Variants in SLC30A3 observed in about 807,000 individuals in gnomAD.
SLC30A3 encodes solute carrier family 30 member 3.
A neutral mutation model predicts 35.6 loss-of-function variants in SLC30A3; 20 were observed. That is an observed-to-expected ratio of 0.56 (90% CI 0.39 to 0.82). The LOEUF (loss-of-function observed/expected upper bound fraction) is 0.82. Among genes scored for constraint, SLC30A3 ranks in the 40% least tolerant of loss-of-function variants. The probability of loss-of-function intolerance (pLI) is 0.00; values close to 1 mark genes in which losing one functional copy is unlikely to be tolerated. For missense variants in SLC30A3, 401 were observed against 530.6 expected (o/e 0.76, Z 2.40); for synonymous variants, 217 against 224.7 (o/e 0.97, Z 0.31).
chr2:27,262,918 C>G lies in SLC30A3; in HGVS notation c.-12G>C. 3.2e-6 allele frequency: 5 copies of G among 1,552,682 alleles called. No homozygotes were observed. The highest frequency in any genetic ancestry group is 4.3e-6 in the Non-Finnish European group (5 of 1,157,036). ...GGAGAGGGCTCCATGTTCCCGGTGC[C>G]CCGACCGTCTAGGCCCCACCGAGGA... is the stretch of plus-strand genomic sequence containing the variant. On this transcript the variant is annotated 5_prime_UTR_variant, in exon 1 of 8. Coordinates refer to ENST00000233535, the MANE Select transcript of SLC30A3 (RefSeq NM_003459.5). The surrounding 1 kb of genome is among the most constrained non-coding windows in gnomAD (Gnocchi z 7.5).
At chr2:27,261,785 C>T (rs1204133253) in intron 1 of SLC30A3, among the ~76,000 whole-genome samples, 2 of 152,074 alleles carry the variant, frequency 1.3e-5, no homozygotes, top group East Asian at 3.9e-4. Flanking sequence ...GCCAGGCCTA[C>T]GGCAGAGCCC....
Position 27,257,487 on chromosome 2 carries a change from A to G in SLC30A3, c.579-135T>C. 2.4e-6 allele frequency: 2 copies of G among 819,546 alleles called. No homozygotes were observed. The highest frequency in any genetic ancestry group is 4.0e-6 in the Non-Finnish European group (2 of 505,828). 50.8% of individuals were successfully genotyped at this position (819,546 alleles called of 1,614,324 possible). ...CAGCATTTTGCAAGAGAGATAAACA[A>G]TGCAGCCTGGGGGAAAGAATACCAG... On this transcript the variant is annotated intron_variant, in intron 4 of 7. Coordinates refer to ENST00000233535, the MANE Select transcript of SLC30A3 (RefSeq NM_003459.5). This position sits in a 1 kb window ranked among gnomAD's most constrained non-coding sequence, Gnocchi z 4.7.
chr2:27,258,373 G>A lies in SLC30A3; in HGVS notation c.278-66C>T. 1 of 1,442,290 alleles carries A rather than the reference G, an allele frequency of 6.9e-7. No individual in the cohort carries two copies. The highest frequency in any genetic ancestry group is 2.4e-5 in the East Asian group (1 of 41,436). 89.3% of individuals were successfully genotyped at this position (1,442,290 alleles called of 1,614,324 possible). ...ATATCATGTAGTGTGTATAGGCATG[G>A]AAAATAAATTGGGGGATATACACCA... On this transcript the variant is annotated intron_variant, in intron 2 of 7. Coordinates refer to ENST00000233535, the MANE Select transcript of SLC30A3 (RefSeq NM_003459.5). The surrounding 1 kb of genome is among the most constrained non-coding windows in gnomAD (Gnocchi z 4.0).
In SLC30A3 at chr2:27,258,265, G is replaced by A. The variant is rs1425507800; in HGVS notation, c.320C>T (p.Ala107Val). The A allele has an allele frequency of 6.4e-7, 1 of 1,551,074 alleles. No individual in the cohort carries two copies. The highest frequency in any genetic ancestry group is 1.2e-5 in the South Asian group (1 of 81,222). The change falls in exon 3 of 8, where the codon GCC (alanine) becomes GTC (valine). Residue 107 changes from alanine to valine, a missense_variant. Transcript: ENST00000233535. The surrounding 1 kb of genome is among the most constrained non-coding windows in gnomAD (Gnocchi z 4.0). Reference sequence around the variant, plus strand: ...GCTGCCCACATCCGCCAGCAAGTGGGCTGCATCGGTCATGATGGCCAGGCT... The same window carrying A: ...GCTGCCCACATCCGCCAGCAAGTGGACTGCATCGGTCATGATGGCCAGGCT... ...AHSLAIMTDA[A>V]HLLADVGSMM...
At chr2:27,274,351 A>C (rs558702401) in intron 1 of SLC30A3, among the ~76,000 whole-genome samples, 3 of 152,302 alleles carry the variant, frequency 2.0e-5, no homozygotes, top group Admixed American at 6.5e-5. Context: ...AACAAAAAAA[A>C]CCTACAAGGT....
upstream of SLC30A3, chr2:27,263,189 C>T (rs1677318436): frequency 2.7e-6 from 3 of 1,104,874 alleles, no homozygotes; most frequent in South Asian, 5.7e-5. Context: ...GCCCCATTTC[C>T]CCGCGCCAGA....
Position 27,274,693 on chromosome 2 carries a change from G to GA in SLC30A3, c.-159+483dup, listed in dbSNP as rs140601607. Among the ~76,000 whole-genome samples the GA allele has an allele frequency of 5.6e-4, 83 of 147,066 alleles. 1 individual carries two copies. Among genetic ancestry groups the GA allele is most frequent in the Admixed American group, 1.8e-3 (27 of 14,818 alleles). On this transcript the variant is annotated intron_variant, in intron 1 of 5. Coordinates refer to the SLC30A3 transcript ENST00000424577. Reference sequence around the variant, plus strand: ...CGTAAAAAAAAAAGAAAAGAAAAAAGAAAAAAAAAATCATTTCGACCCAAT... The same window carrying GA: ...CGTAAAAAAAAAAGAAAAGAAAAAAGAAAAAAAAAAATCATTTCGACCCAAT...
At chr2:27,273,092 A>AGTGTGT (rs58847409) in intron 1 of SLC30A3, among the ~76,000 whole-genome samples, 38 of 140,860 alleles carry the variant, frequency 2.7e-4, no homozygotes, top group South Asian at 6.9e-4. Context: ...ACATATACAC[A>AGTGTGT]GTGTGTGTGT....
chr2:27,262,740 A>C lies in SLC30A3; in HGVS notation c.95+72T>G. ...GGCGGCCGCCGGGGCCCGCGCCGAG[A>C]GAGACAACGAAATGGACGGAGGGTA... On this transcript the variant is annotated intron_variant, in intron 1 of 7. Coordinates refer to ENST00000233535, the MANE Select transcript of SLC30A3 (RefSeq NM_003459.5). The surrounding 1 kb of genome is among the most constrained non-coding windows in gnomAD (Gnocchi z 7.5). 2 of 1,382,098 alleles carry C rather than the reference A, an allele frequency of 1.4e-6. No homozygotes were observed. Among genetic ancestry groups the C allele is most frequent in the Non-Finnish European group, 1.9e-6 (2 of 1,053,502 alleles). 85.6% of individuals were successfully genotyped at this position (1,382,098 alleles called of 1,614,324 possible). A position where few individuals can be genotyped will look rare whatever the true frequency, so the allele number is the denominator to read the frequency against.
rs539949022 is a variant in SLC30A3 at position 27,256,578 on chromosome 2, C to A, written c.884-58G>T. ...GGGCTACTCCTGCCCAGAAGCAGCA[C>A]CCCCACCACTGGATTCCACCTCCCC... On this transcript the variant is annotated intron_variant, in intron 6 of 7. Coordinates refer to ENST00000233535, the MANE Select transcript of SLC30A3 (RefSeq NM_003459.5). The A allele has an allele frequency of 3.1e-6, 5 of 1,606,480 alleles. No individual in the cohort carries two copies. The Admixed American group carries it at 6.7e-5, about 21-fold the overall frequency.
chr2:27,260,906 G>A (rs190405597), intron 1 of SLC30A3, among the ~76,000 whole-genome samples: 89 of 152,310 alleles, frequency 5.8e-4, no homozygotes, highest in Non-Finnish European at 1.0e-3. Flanking sequence ...ATTCAATGAG[G>A]TGCACCAGGC....
intron 1 of SLC30A3, among the ~76,000 whole-genome samples, chr2:27,274,980 T>C (rs567903482): frequency 6.6e-6 from 1 of 152,160 alleles, no homozygotes; most frequent in Non-Finnish European, 1.5e-5. Context: ...CTAGGAGAAA[T>C]GCTTTGACAG....
upstream of SLC30A3, among the ~76,000 whole-genome samples, chr2:27,264,596 C>T (rs938612278): frequency 3.3e-5 from 5 of 152,186 alleles, no homozygotes; most frequent in Non-Finnish European, 5.9e-5. This position sits in a 1 kb window ranked among gnomAD's most constrained non-coding sequence, Gnocchi z 6.1. Context: ...GCTGCGCGCG[C>T]CCTCCGCGCC....
chr2:27,254,759 AACACACACACACAC>A lies in SLC30A3; in HGVS notation c.*539_*552del, dbSNP rs371039560. 1.8e-4 allele frequency: 32 copies of A among 176,318 alleles called. No individual in the cohort carries two copies. Among genetic ancestry groups the A allele is most frequent in the Middle Eastern group, 2.3e-3 (1 of 426 alleles). 10.9% of individuals were successfully genotyped at this position (176,318 alleles called of 1,614,324 possible). On this transcript the variant is annotated 3_prime_UTR_variant, in exon 8 of 8. Coordinates refer to ENST00000233535, the MANE Select transcript of SLC30A3 (RefSeq NM_003459.5). ...GAGACACACAGGCCACAGCACCAAGAACACACACACACACACACACACACACACACACACACACA... is the reference window on the plus strand; with the variant it reads ...GAGACACACAGGCCACAGCACCAAGAACACACACACACACACACACACACA...
At chr2:27,273,061 T>C (rs1199590224) in intron 1 of SLC30A3, among the ~76,000 whole-genome samples, 1 of 148,166 alleles carries the variant, frequency 6.7e-6, no homozygotes, top group African/African-American at 2.5e-5. Flanking sequence ...AATATATATA[T>C]ATATATGGAT....
At position 27,257,594 on chromosome 2, in the gene SLC30A3, T is replaced by C. The variant is rs911777020; in HGVS notation, c.579-242A>G. Reference sequence around the variant, plus strand: ...GACTTGGGCAAGTCACCTGTTGGGATTGACTGCATTAATGGTAAACTAGGG... The same window carrying C: ...GACTTGGGCAAGTCACCTGTTGGGACTGACTGCATTAATGGTAAACTAGGG... On this transcript the variant is annotated intron_variant, in intron 4 of 7. Coordinates refer to ENST00000233535, the MANE Select transcript of SLC30A3 (RefSeq NM_003459.5). The surrounding 1 kb of genome is among the most constrained non-coding windows in gnomAD (Gnocchi z 4.7). The C allele has an allele frequency of 6.6e-6, 4 of 601,992 alleles. No individual in the cohort carries two copies. Among genetic ancestry groups the C allele is most frequent in the South Asian group, 2.0e-5 (1 of 49,502 alleles). The allele number at this position is 601,992 out of a possible 1,614,324, so 37.3% of individuals were successfully genotyped here.
Position 27,255,499 on chromosome 2 carries a change from G to A in SLC30A3, c.1019-39C>T, listed in dbSNP as rs781533292. On this transcript the variant is annotated intron_variant, in intron 7 of 7. Coordinates refer to ENST00000233535, the MANE Select transcript of SLC30A3 (RefSeq NM_003459.5). The surrounding 1 kb of genome is among the most constrained non-coding windows in gnomAD (Gnocchi z 5.2). ...ATAAGAGGCGGCATCCATCCCGGGG[G>A]AGAAAGAACAGGCAGGGACTGAGAT... The A allele has an allele frequency of 1.4e-5, 23 of 1,603,908 alleles. No individual in the cohort carries two copies. The highest frequency in any genetic ancestry group is 6.7e-5 in the East Asian group (3 of 44,612).
chr2:27,267,721 G>C (rs1257024250), upstream of SLC30A3, among the ~76,000 whole-genome samples: 2 of 152,042 alleles, frequency 1.3e-5, no homozygotes, highest in African/African-American at 4.8e-5. Context: ...GATCACCTGA[G>C]GTCAGGAGTT....
At chr2:27,270,130 T>C (rs1172604772) in intron 1 of SLC30A3, among the ~76,000 whole-genome samples, 1 of 152,206 alleles carries the variant, frequency 6.6e-6, no homozygotes, top group Non-Finnish European at 1.5e-5. Flanking sequence ...TCCTTTTGCA[T>C]TAATGACAAT....
Sources: allele counts gnomAD v4.1 joint callset (sites outside exome capture counted in the v4.1 genomes callset), GRCh38; gene constraint gnomAD v4.1.1; non-coding constraint Gnocchi (gnomAD v3.1); transcripts MANE v1.5; gene names NCBI Gene and HGNC (gene_info 2026-07-23, HGNC 2026-07-21).